The following HSPA12A variants were observed in gnomAD, a reference collection of about 807,000 sequenced individuals.
HSPA12A encodes heat shock protein family A (Hsp70) member 12A.
Under a neutral mutation model 69.2 loss-of-function variants are expected in HSPA12A, and 28 were observed. The observed-to-expected ratio is 0.40, with a 90% CI of 0.30 to 0.55. The LOEUF (loss-of-function observed/expected upper bound fraction) is 0.55. Among genes scored for constraint, HSPA12A ranks in the 20% least tolerant of loss-of-function variants. The pLI is 0.38. For missense variants in HSPA12A, 686 were observed against 900.7 expected (o/e 0.76, Z 3.05); for synonymous variants, 345 against 370.5 (o/e 0.93, Z 0.79).
intron 2 of HSPA12A, among the ~76,000 whole-genome samples, chr10:116,823,633 A>G (rs1349204555): frequency 6.6e-6 from 1 of 152,198 alleles, no homozygotes; most frequent in Non-Finnish European, 1.5e-5. Context: ...AAGGGGGTGA[A>G]GACAATTTAG....
chr10:116,704,191 CAA>C (rs1223229257), intron 3 of HSPA12A, among the ~76,000 whole-genome samples: 5 of 152,112 alleles, frequency 3.3e-5, no homozygotes, highest in African/African-American at 1.2e-4. Flanking sequence ...TTCACAATAG[CAA>C]AGACTTGGAA....
chr10:116,811,640 T>C (rs1845188005), intron 2 of HSPA12A, among the ~76,000 whole-genome samples: 1 of 151,622 alleles, frequency 6.6e-6, no homozygotes, highest in African/African-American at 2.4e-5. Flanking sequence ...CTGTCTCCTC[T>C]TTGTCAGGCT....
chr10:116,734,380 G>C (rs1851247217), intron 1 of HSPA12A, among the ~76,000 whole-genome samples: 1 of 150,534 alleles, frequency 6.6e-6, no homozygotes, highest in Admixed American at 6.6e-5. Context: ...AACCCAGGTG[G>C]TGGAGGCTGC....
chr10:116,762,349 G>C (rs186264587), intron 2 of HSPA12A, among the ~76,000 whole-genome samples: 1 of 152,284 alleles, frequency 6.6e-6, no homozygotes, highest in African/African-American at 2.4e-5. Context: ...CTGCAAAGGT[G>C]TGTATGTTTT....
intron 2 of HSPA12A, among the ~76,000 whole-genome samples, chr10:116,795,576 C>T (rs2906814): frequency 0.82 from 120,702 of 147,986 alleles, 51,395 homozygotes; most frequent in Non-Finnish European, 0.93. Flanking sequence ...ATCCCAGCTA[C>T]TCAGGAGGCT....
At chr10:116,782,979 T>C (rs928923929) in intron 2 of HSPA12A, among the ~76,000 whole-genome samples, 1 of 152,104 alleles carries the variant, frequency 6.6e-6, no homozygotes, top group East Asian at 1.9e-4. Flanking sequence ...GCAGAGAACA[T>C]GGTGGGCCCC....
chr10:116,785,375 C>T (rs1168361087), intron 2 of HSPA12A, among the ~76,000 whole-genome samples: 3 of 152,154 alleles, frequency 2.0e-5, no homozygotes, highest in Non-Finnish European at 4.4e-5. Context: ...TGCCAGTGGA[C>T]ATGGCAGCCC....
intron 2 of HSPA12A, among the ~76,000 whole-genome samples, chr10:116,769,418 C>T (rs562177963): frequency 1.3e-5 from 2 of 152,356 alleles, no homozygotes; most frequent in Admixed American, 1.3e-4. Flanking sequence ...ATGTAGACCC[C>T]TATGGTCTCC....
chr10:116,745,373 G>T (rs1851626762), upstream of HSPA12A, among the ~76,000 whole-genome samples: 2 of 152,170 alleles, frequency 1.3e-5, no homozygotes, highest in Non-Finnish European at 1.5e-5. Flanking sequence ...CTCCTGGGAG[G>T]TTGCTCTGTA....
intron 2 of HSPA12A, among the ~76,000 whole-genome samples, chr10:116,789,086 G>A (rs1844644222): frequency 6.6e-6 from 1 of 151,966 alleles, no homozygotes; most frequent in Non-Finnish European, 1.5e-5. Flanking sequence ...GGCTGCTCTC[G>A]AACTCCTGAC....
intron 2 of HSPA12A, among the ~76,000 whole-genome samples, chr10:116,759,619 T>C (rs1554889115): frequency 2.0e-5 from 3 of 152,194 alleles, no homozygotes; most frequent in African/African-American, 7.2e-5. Context: ...GAAATGGATG[T>C]TGAGTAAATG....
rs1338267149 is a variant in HSPA12A at position 116,742,488 on chromosome 10, C to A, written c.-19G>T. Reference sequence around the variant, plus strand: ...CCGCCATGGTCGCGCAGCCCCGGACCGCGAGGGGAGCCTCCAGCGCAGCGC... The same window carrying A: ...CCGCCATGGTCGCGCAGCCCCGGACAGCGAGGGGAGCCTCCAGCGCAGCGC... On this transcript the variant is annotated 5_prime_UTR_variant, in exon 1 of 12. Coordinates refer to ENST00000369209, the MANE Select transcript of HSPA12A (RefSeq NM_025015.3). 6.7e-6 allele frequency: 9 copies of A among 1,339,626 alleles called. No homozygotes were observed. The highest frequency in any genetic ancestry group is 7.7e-6 in the Non-Finnish European group (8 of 1,044,146). 83.0% of individuals were successfully genotyped at this position (1,339,626 alleles called of 1,614,324 possible). A position where few individuals can be genotyped will look rare whatever the true frequency, so the allele number is the denominator to read the frequency against.
intron 2 of HSPA12A, among the ~76,000 whole-genome samples, chr10:116,761,912 C>A (rs1843981666): frequency 6.6e-6 from 1 of 152,110 alleles, no homozygotes; most frequent in Admixed American, 6.5e-5. Flanking sequence ...TAAGAATGTT[C>A]CCCTTTACAT....
upstream of HSPA12A, among the ~76,000 whole-genome samples, chr10:116,746,957 T>C (rs573461533): frequency 6.6e-5 from 10 of 152,360 alleles, no homozygotes; most frequent in Admixed American, 1.3e-4. Flanking sequence ...CTGAATATCA[T>C]AAAAGAGACT....
chr10:116,735,856 G>T (rs1851300577), intron 1 of HSPA12A, among the ~76,000 whole-genome samples: 1 of 150,360 alleles, frequency 6.7e-6, no homozygotes, highest in Admixed American at 6.6e-5. Context: ...AAAAAGCCAG[G>T]CATGGAGATG....
intron 2 of HSPA12A, among the ~76,000 whole-genome samples, chr10:116,778,492 T>C (rs562873187): frequency 3.9e-5 from 6 of 152,178 alleles, no homozygotes; most frequent in Non-Finnish European, 7.3e-5. Context: ...GAGAACCACA[T>C]TGCTCCTGAA....
Position 116,817,858 on chromosome 10 carries a change from G to A in HSPA12A, c.91+17077C>T, listed in dbSNP as rs1163139890. Among the ~76,000 whole-genome samples, 4 of 152,198 alleles carry A rather than the reference G, an allele frequency of 2.6e-5. No individual in the cohort carries two copies. The East Asian group carries it at 7.7e-4, about 29-fold the overall frequency. On this transcript the variant is annotated intron_variant, in intron 2 of 12. Transcript: ENST00000635765. ...AGACCATCTCACTGCTTTCCGTCCG[G>A]ATGCTGAGAGCAGCAGCAGCAGTTC...
intron 2 of HSPA12A, among the ~76,000 whole-genome samples, chr10:116,784,118 A>C (rs530250430): frequency 6.6e-6 from 1 of 152,402 alleles, no homozygotes; most frequent in East Asian, 1.9e-4. Flanking sequence ...TTAGGGAACC[A>C]GATGGCTAAG....
Position 116,790,092 on chromosome 10 carries a change from C to CTT in HSPA12A, c.91+44841_91+44842dup, listed in dbSNP as rs140785704. On this transcript the variant is annotated intron_variant, in intron 2 of 12. Transcript: ENST00000635765. ...CATGGTATGGACCCTGATAATCTTT[C>CTT]TTTTTTTTTTTTTTTTTTTTTTTTT... Among the ~76,000 whole-genome samples, 62 of 69,150 alleles carry CTT rather than the reference C, an allele frequency of 9.0e-4. 2 individuals are homozygous for CTT. Among genetic ancestry groups the CTT allele is most frequent in the South Asian group, 6.9e-3 (8 of 1,162 alleles). 45.4% of individuals were successfully genotyped at this position (69,150 alleles called of 152,430 possible).
Sources: allele counts gnomAD v4.1 joint callset (sites outside exome capture counted in the v4.1 genomes callset), GRCh38; gene constraint gnomAD v4.1.1; transcripts MANE v1.5; gene names NCBI Gene and HGNC (gene_info 2026-07-23, HGNC 2026-07-21).